ST7: variants seen among roughly 807,000 people sequenced by gnomAD.
ST7 encodes the protein suppression of tumorigenicity 7, also known as suppressor of tumorigenicity 7 protein.
In ST7, 28 loss-of-function variants were observed where a neutral mutation model predicts 78.7. The ratio of observed to expected loss-of-function variants is 0.36; its 90% CI spans 0.26 to 0.49. The LOEUF (loss-of-function observed/expected upper bound fraction) is 0.49. Among genes scored for constraint, ST7 ranks in the 20% least tolerant of loss-of-function variants. ST7 has a pLI of 0.99. For missense variants in ST7, 418 were observed against 696.0 expected, an observed-to-expected ratio of 0.60 and a Z score of 4.49; for synonymous variants, 247 against 249.6, an observed-to-expected ratio of 0.99 and a Z score of 0.10.
At chr7:117,088,470 ATTC>A (rs1319321764) in intron 1 of ST7, among the ~76,000 whole-genome samples, 2 of 152,214 alleles carry the variant, frequency 1.3e-5, no homozygotes, top group Non-Finnish European at 2.9e-5. Context: ...ACTTGTTAAT[ATTC>A]TTCTTACATT....
intron 1 of ST7, among the ~76,000 whole-genome samples, chr7:117,081,753 C>T (rs965154740): frequency 6.6e-6 from 1 of 152,128 alleles, no homozygotes; most frequent in Non-Finnish European, 1.5e-5. Context: ...AATTGGTATT[C>T]TCTAAAATGA....
chr7:117,186,405 G>A (rs1358522964), intron 10 of ST7, among the ~76,000 whole-genome samples: 1 of 152,156 alleles, frequency 6.6e-6, no homozygotes, highest in Non-Finnish European at 1.5e-5. Flanking sequence ...ACTGATGGGC[G>A]GGTAGAATCT....
At chr7:117,114,249 C>T (rs1048107011) in intron 2 of ST7, among the ~76,000 whole-genome samples, 6 of 151,962 alleles carry the variant, frequency 3.9e-5, no homozygotes, top group African/African-American at 1.4e-4. Flanking sequence ...AAAGTTTGAT[C>T]TGTCATGAGG....
intron 12 of ST7, among the ~76,000 whole-genome samples, chr7:117,193,960 C>T (rs1349160970): frequency 7.9e-5 from 12 of 152,120 alleles, no homozygotes; most frequent in East Asian, 3.8e-4. Context: ...CATTTACCTT[C>T]GGAGGGCTAC....
At chr7:117,175,355 T>G (rs1808273551) in intron 10 of ST7, among the ~76,000 whole-genome samples, 1 of 152,256 alleles carries the variant, frequency 6.6e-6, no homozygotes, top group African/African-American at 2.4e-5. Flanking sequence ...AAAACTTAAG[T>G]CCCAAAGATT....
intron 1 of ST7, chr7:117,020,454 G>A: frequency 2.5e-6 from 2 of 802,734 alleles, no homozygotes; most frequent in Non-Finnish European, 3.7e-6. Flanking sequence ...CTGGCAGCTG[G>A]ACACAGCTTG....
chr7:117,154,725 C>G (rs534757660), intron 9 of ST7, among the ~76,000 whole-genome samples: 6 of 152,280 alleles, frequency 3.9e-5, no homozygotes, highest in African/African-American at 1.4e-4. Flanking sequence ...AGTTGTTCCT[C>G]TATACCTCAT....
chr7:117,145,754 C>G (rs553646666), intron 9 of ST7: 1 of 152,270 alleles, frequency 6.6e-6, no homozygotes, highest in East Asian at 1.9e-4. Flanking sequence ...TAATTTAACC[C>G]ACAATAGCAG....
chr7:117,159,386 C>T (rs2402155), intron 9 of ST7, among the ~76,000 whole-genome samples: 18,327 of 152,138 alleles, frequency 0.12, 1,992 homozygotes, highest in African/African-American at 0.29. Flanking sequence ...AGAGGACTCA[C>T]AGGAGAGTTA....
intron 9 of ST7, among the ~76,000 whole-genome samples, chr7:117,152,555 GT>G (rs1463990449): frequency 6.6e-6 from 1 of 152,006 alleles, no homozygotes; most frequent in Non-Finnish European, 1.5e-5. Context: ...CTGCTTTCCT[GT>G]TTTCATTACA....
Position 117,223,118 on chromosome 7 carries a change from C to A in ST7, c.1638+1056C>A, listed in dbSNP as rs111319807. On this transcript the variant is annotated intron_variant, in intron 15 of 15. Coordinates refer to ENST00000323984, the MANE Select transcript of ST7 (RefSeq NM_001369598.1). Reference sequence around the variant, plus strand: ...CCCTCTCTCACTCCCCACATCCCATCGTCTCGGCCTTCACAATCTGTCAGT... The same window carrying A: ...CCCTCTCTCACTCCCCACATCCCATAGTCTCGGCCTTCACAATCTGTCAGT... 66 of 647,086 alleles carry A rather than the reference C, an allele frequency of 1.0e-4. No individual in the cohort carries two copies. The South Asian group carries it at 1.1e-3, about 11-fold the overall frequency. The allele number at this position is 647,086 out of a possible 1,614,324, so 40.1% of individuals were successfully genotyped here.
rs200083379 is a variant in ST7, at chr7:117,037,618, C to CT, written c.152-62136dup. Reference sequence around the variant, plus strand: ...CAGCACATTGTGTTGCACATAAAGACTTTTTTTTCTATTGTTCTCGTGTTC... The same window carrying CT: ...CAGCACATTGTGTTGCACATAAAGACTTTTTTTTTCTATTGTTCTCGTGTTC... On this transcript the variant is annotated intron_variant, in intron 1 of 15. Transcript: ENST00000323984. Among the ~76,000 whole-genome samples, 280 of 152,150 alleles carry CT rather than the reference C, an allele frequency of 1.8e-3. 7 individuals are homozygous for CT. The highest frequency in any genetic ancestry group is 0.017 in the Admixed American group (260 of 15,272).
intron 1 of ST7, among the ~76,000 whole-genome samples, chr7:117,052,444 C>A (rs1797835137): frequency 6.6e-6 from 1 of 152,162 alleles, no homozygotes; most frequent in Admixed American, 6.5e-5. Context: ...TTACTTGTTT[C>A]AGGAAGGTGA....
chr7:116,978,550 C>T (rs1487493870), intron 1 of ST7, among the ~76,000 whole-genome samples: 1 of 152,100 alleles, frequency 6.6e-6, no homozygotes, highest in Non-Finnish European at 1.5e-5. Flanking sequence ...AAGGTCGTAG[C>T]AGGAAACATA....
intron 9 of ST7, among the ~76,000 whole-genome samples, chr7:117,143,909 C>G (rs909458192): frequency 3.3e-5 from 5 of 152,062 alleles, no homozygotes; most frequent in African/African-American, 1.2e-4. Context: ...AAAATATATG[C>G]TAATATAGAC....
At chr7:117,009,257 G>GT (rs1171249318) in intron 1 of ST7, among the ~76,000 whole-genome samples, 1,041 of 18,404 alleles carry the variant, frequency 0.057, 55 homozygotes, top group African/African-American at 0.16. Context: ...CTTTTTTTTT[G>GT]TTTTTTTTTT....
chr7:116,984,147 A>G (rs114558788), intron 1 of ST7, among the ~76,000 whole-genome samples: 3,352 of 135,420 alleles, frequency 0.025, 51 homozygotes, highest in African/African-American at 0.043. Flanking sequence ...GTGTGTGTCT[A>G]TCTGTCTGAG....
At chr7:117,216,710 G>A (rs1792716237) in intron 13 of ST7, among the ~76,000 whole-genome samples, 1 of 152,150 alleles carries the variant, frequency 6.6e-6, no homozygotes, top group Admixed American at 6.5e-5. Context: ...GTGGGTAAAG[G>A]ATAGAATTGC....
chr7:117,118,753 C>G (rs1324298536), intron 2 of ST7, among the ~76,000 whole-genome samples: 1 of 152,094 alleles, frequency 6.6e-6, no homozygotes, highest in Admixed American at 6.6e-5. Flanking sequence ...TGTAGAGAGG[C>G]AGAGATCCCA....
Sources: allele counts gnomAD v4.1 joint callset (sites outside exome capture counted in the v4.1 genomes callset), GRCh38; gene constraint gnomAD v4.1.1; transcripts MANE v1.5; gene names NCBI Gene and HGNC (gene_info 2026-07-23, HGNC 2026-07-21).